Variants in ASB4 observed in about 807,000 individuals in gnomAD.
ASB4 encodes ankyrin repeat and SOCS box containing 4.
ASB4 carries 35 observed loss-of-function variants against 38.6 expected under a neutral mutation model. That is an observed-to-expected ratio of 0.91 (90% confidence interval 0.69 to 1.20). The LOEUF (loss-of-function observed/expected upper bound fraction) is 1.20. Ranked by LOEUF, ASB4 falls within the 50% of genes most tolerant of loss-of-function variation. The probability of loss-of-function intolerance (pLI) is 0.00; values close to 1 mark genes in which losing one functional copy is unlikely to be tolerated. For synonymous variants in ASB4, 195 were observed against 201.3 expected (o/e 0.97, Z 0.26); for missense variants, 557 against 527.2 (o/e 1.06, Z -0.55).
At chr7:95,500,573 A>AAG (rs1790321193) in intron 2 of ASB4, among the ~76,000 whole-genome samples, 1 of 99,926 alleles carries the variant, frequency 1.0e-5, no homozygotes, top group South Asian at 2.9e-4. Flanking sequence ...TGTCTCAAAA[A>AAG]AAAAAAAAAA....
chr7:95,496,704 C>T (rs1196034118), intron 2 of ASB4, among the ~76,000 whole-genome samples: 2 of 151,906 alleles, frequency 1.3e-5, no homozygotes, highest in Admixed American at 6.6e-5. Context: ...AAAAATTAGC[C>T]GGGCATGGTG....
At chr7:95,499,012 AT>A (rs1032358105) in intron 2 of ASB4, among the ~76,000 whole-genome samples, 37 of 151,966 alleles carry the variant, frequency 2.4e-4, no homozygotes, top group African/African-American at 6.5e-4. Context: ...ATATCTTTTT[AT>A]TTTTTTCCCT....
upstream of ASB4, chr7:95,485,891 G>C: frequency 7.9e-7 from 1 of 1,262,750 alleles, no homozygotes. Context: ...CCGACAGTTT[G>C]TGGACTCTCC....
chr7:95,533,680 A>G (rs915426972), intron 3 of ASB4, among the ~76,000 whole-genome samples: 18 of 152,080 alleles, frequency 1.2e-4, no homozygotes, highest in African/African-American at 4.1e-4. Context: ...TCCTGACTCT[A>G]CCATTTCCTA....
intron 2 of ASB4, among the ~76,000 whole-genome samples, chr7:95,498,892 T>G (rs1468576608): frequency 6.6e-6 from 1 of 152,214 alleles, no homozygotes; most frequent in African/African-American, 2.4e-5. Flanking sequence ...CACCATTTGT[T>G]GAAAAGAATA....
intron 2 of ASB4, among the ~76,000 whole-genome samples, chr7:95,520,407 G>A (rs1381853122): frequency 6.6e-6 from 1 of 152,126 alleles, no homozygotes; most frequent in Non-Finnish European, 1.5e-5. Flanking sequence ...CTCAACTGGT[G>A]GAAGAATAAA....
At chr7:95,477,239 C>G (rs1789985614), upstream of ASB4, among the ~76,000 whole-genome samples, 1 of 152,064 alleles carries the variant, frequency 6.6e-6, no homozygotes, top group Non-Finnish European at 1.5e-5. Flanking sequence ...TTTTGATTCT[C>G]TCTCTAGAAA....
At chr7:95,502,153 C>T (rs548288416) in intron 2 of ASB4, among the ~76,000 whole-genome samples, 25 of 150,238 alleles carry the variant, frequency 1.7e-4, no homozygotes, top group East Asian at 3.9e-4. Flanking sequence ...AAGAACAAAA[C>T]GACCAAGAAC....
At chr7:95,485,920 C>A, upstream of ASB4, 11 of 1,533,624 alleles carry the variant, frequency 7.2e-6, no homozygotes, top group Non-Finnish European at 8.9e-6. Flanking sequence ...CCTGTTTGCT[C>A]GGTGCTGTTC....
chr7:95,535,962 C>T (rs2240003), intron 3 of ASB4, among the ~76,000 whole-genome samples: 34,859 of 152,060 alleles, frequency 0.23, 4,078 homozygotes, highest in Middle Eastern at 0.31. Flanking sequence ...GGAAGAGTTT[C>T]CCAGGCAGCT....
chr7:95,493,361 AGTGT>A (rs199528876), intron 1 of ASB4, among the ~76,000 whole-genome samples: 5,860 of 120,770 alleles, frequency 0.049, 127 homozygotes, highest in Non-Finnish European at 0.061. Flanking sequence ...AAGAGATGAA[AGTGT>A]GTGTGTGTGT....
At chr7:95,545,416 A>T in the ASB4 span, among the ~76,000 whole-genome samples, 1 of 152,016 alleles carries the variant, frequency 6.6e-6, no homozygotes, top group South Asian at 2.1e-4. Flanking sequence ...CTGTGGTTAC[A>T]TAATCTGGAA....
chr7:95,548,692 G>T, the ASB4 span, among the ~76,000 whole-genome samples: 12 of 152,114 alleles, frequency 7.9e-5, no homozygotes, highest in Non-Finnish European at 1.8e-4. Context: ...CTGAAATCTG[G>T]ACTTCTCAAA....
At chr7:95,518,585 T>C (rs902826296) in intron 2 of ASB4, among the ~76,000 whole-genome samples, 7 of 152,184 alleles carry the variant, frequency 4.6e-5, no homozygotes, top group African/African-American at 1.7e-4. Context: ...GGAAAAAAAT[T>C]AGACTATATT....
chr7:95,547,633 C>A, the ASB4 span, among the ~76,000 whole-genome samples: 1 of 152,132 alleles, frequency 6.6e-6, no homozygotes, highest in African/African-American at 2.4e-5. Context: ...CTATGTGTAT[C>A]CAGATATTTG....
chr7:95,472,292 A>T, the ASB4 span, among the ~76,000 whole-genome samples: 1 of 152,228 alleles, frequency 6.6e-6, no homozygotes, highest in Non-Finnish European at 1.5e-5. Context: ...GCAGTAGCAC[A>T]GGACCCTGTG....
chr7:95,506,143 C>T (rs1419820238), intron 2 of ASB4, among the ~76,000 whole-genome samples: 1 of 152,198 alleles, frequency 6.6e-6, no homozygotes, highest in Non-Finnish European at 1.5e-5. Context: ...AAGTGATCCT[C>T]CTGCCTAGGC....
chr7:95,528,626 A>T (rs1392545015), intron 3 of ASB4: 1 of 1,276,680 alleles, frequency 7.8e-7, no homozygotes, highest in Non-Finnish European at 9.9e-7. Context: ...TTAGACAGGC[A>T]TACATTTGCC....
chr7:95,511,682 A>G (rs763815042), intron 2 of ASB4, among the ~76,000 whole-genome samples: 2 of 152,100 alleles, frequency 1.3e-5, no homozygotes, highest in East Asian at 1.9e-4. Context: ...AAATAAATAA[A>G]TAAAAATAAC....
Sources: allele counts gnomAD v4.1 joint callset (sites outside exome capture counted in the v4.1 genomes callset), GRCh38; gene constraint gnomAD v4.1.1; transcripts MANE v1.5; gene names NCBI Gene and HGNC (gene_info 2026-07-23, HGNC 2026-07-21).